The following KATNIP variants were observed in gnomAD, a reference collection of about 807,000 sequenced individuals.
The protein encoded by KATNIP is katanin-interacting protein.
KATNIP carries 126 observed loss-of-function variants against 174.0 expected under a neutral mutation model. The ratio of observed to expected loss-of-function variants is 0.72; its 90% CI spans 0.63 to 0.84. The LOEUF (loss-of-function observed/expected upper bound fraction) is 0.84, where lower values mean the gene tolerates loss of function less well. Ranked by LOEUF, KATNIP falls within the 40% of genes least tolerant of loss-of-function variation. The pLI is 0.00. For synonymous variants in KATNIP, 810 were observed against 835.7 expected, an observed-to-expected ratio of 0.97 and a Z score of 0.53; for missense variants, 1,958 against 2,109.7, an observed-to-expected ratio of 0.93 and a Z score of 1.41.
At chr16:27,567,447 A>G (rs2090132104) in intron 1 of KATNIP, among the ~76,000 whole-genome samples, 1 of 152,222 alleles carries the variant, frequency 6.6e-6, no homozygotes, top group African/African-American at 2.4e-5. Flanking sequence ...TGGACAACAT[A>G]GCAAGACTCC....
intron 7 of KATNIP, among the ~76,000 whole-genome samples, chr16:27,679,308 T>TC (rs1285757515): frequency 6.6e-6 from 1 of 152,194 alleles, no homozygotes; most frequent in Non-Finnish European, 1.5e-5. Context: ...TGGTCTTCCC[T>TC]CTGTGTGTGT....
chr16:27,559,793 C>A (rs2089784386), intron 1 of KATNIP, among the ~76,000 whole-genome samples: 2 of 151,446 alleles, frequency 1.3e-5, no homozygotes, highest in Admixed American at 6.6e-5. Context: ...ACAGCCTGGC[C>A]AACATGGTGA....
At chr16:27,583,107 C>T (rs182694913) in intron 2 of KATNIP, among the ~76,000 whole-genome samples, 98 of 152,166 alleles carry the variant, frequency 6.4e-4, no homozygotes, top group Non-Finnish European at 9.7e-4. Flanking sequence ...ACTCCAGTGC[C>T]GAAAAGCAAA....
chr16:27,701,687 G>A lies in KATNIP; in HGVS notation c.1278G>A (p.Leu426=). ...INQAMDRIGL[L]GSRQQQKLLK... ...AGGCCATGGACAGAATTGGGCTTCT[G>A]GGAAGCAGGTACTACTAAGGCTGAG... Residue 426 remains leucine (L), a synonymous_variant, in exon 11 of 28, where the codon CTG becomes CTA. Transcript: ENST00000261588. 6.3e-7 allele frequency: 1 copy of A among 1,599,216 alleles called. No individual in the cohort carries two copies. Among genetic ancestry groups the A allele is most frequent in the South Asian group, 1.1e-5 (1 of 87,780 alleles).
chr16:27,577,028 T>G (rs1164322167), intron 2 of KATNIP, among the ~76,000 whole-genome samples: 1 of 152,132 alleles, frequency 6.6e-6, no homozygotes, highest in Admixed American at 6.6e-5. Flanking sequence ...TAAGCCACCA[T>G]GACAAAGGGA....
In KATNIP at chr16:27,698,339, C is replaced by A; in HGVS notation, c.952C>A (p.Arg318=). The change falls in exon 9 of 28, where the codon CGG becomes AGG. Residue 318 remains arginine (R), a synonymous_variant. Coordinates refer to ENST00000261588, the MANE Select transcript of KATNIP (RefSeq NM_015202.5). The part of the protein sequence containing the change: ...QERMCSRPGS[R]RERPLSATRK... ...TCTTCTGCCCTCAGGACCTGGAAGC[C>A]GGCGAGAGAGACCCCTGTCTGCAAC... 1.2e-6 allele frequency: 2 copies of A among 1,608,944 alleles called. No individual in the cohort carries two copies. Among genetic ancestry groups the A allele is most frequent in the Non-Finnish European group, 1.7e-6 (2 of 1,176,890 alleles).
intron 5 of KATNIP, among the ~76,000 whole-genome samples, chr16:27,640,630 A>C (rs980300889): frequency 4.0e-5 from 6 of 149,408 alleles, no homozygotes; most frequent in African/African-American, 1.5e-4. Flanking sequence ...ACATTCTCCC[A>C]TTATGTGTGC....
intron 5 of KATNIP, chr16:27,631,394 A>T (rs566089232): frequency 8.8e-5 from 43 of 486,128 alleles, no homozygotes; most frequent in Non-Finnish European, 1.5e-4. Context: ...AAAAATAAAA[A>T]ATTCGCCAGG....
At chr16:27,704,618 C>T (rs534891851) in intron 12 of KATNIP, among the ~76,000 whole-genome samples, 4 of 152,112 alleles carry the variant, frequency 2.6e-5, no homozygotes, top group African/African-American at 9.7e-5. Flanking sequence ...ACCTAAATGT[C>T]TCATAACAAT....
intron 2 of KATNIP, among the ~76,000 whole-genome samples, chr16:27,584,065 A>G (rs1201225600): frequency 6.6e-6 from 1 of 152,140 alleles, no homozygotes. Context: ...TCTATATAGA[A>G]TGGGGATAGT....
chr16:27,721,708 C>T lies in KATNIP; in HGVS notation c.1743+13C>T, dbSNP rs751645087. The T allele has an allele frequency of 2.0e-5, 32 of 1,612,544 alleles. No homozygotes were observed. Among genetic ancestry groups the T allele is most frequent in the Non-Finnish European group, 2.4e-5 (28 of 1,179,418 alleles). On this transcript the variant is annotated intron_variant, in intron 14 of 27. Coordinates refer to ENST00000261588, the MANE Select transcript of KATNIP (RefSeq NM_015202.5). Reference sequence around the variant, plus strand: ...GACAGCTGATGGCGTAAGTAACAGGCGCTGGTTCCCCACTGGGCACTGGGT... The same window carrying T: ...GACAGCTGATGGCGTAAGTAACAGGTGCTGGTTCCCCACTGGGCACTGGGT...
chr16:27,666,990 A>C (rs184807622), intron 6 of KATNIP, among the ~76,000 whole-genome samples: 2 of 152,286 alleles, frequency 1.3e-5, no homozygotes, highest in East Asian at 1.9e-4. Flanking sequence ...AGCACCTAGC[A>C]GTCACACCTG....
intron 20 of KATNIP, among the ~76,000 whole-genome samples, chr16:27,767,305 G>A (rs539322923): frequency 3.2e-4 from 49 of 152,240 alleles, no homozygotes; most frequent in African/African-American, 1.1e-3. Context: ...CACCTGCCAC[G>A]GCGGATTGGC....
At chr16:27,710,595 G>A (rs2079532533) in intron 13 of KATNIP, among the ~76,000 whole-genome samples, 1 of 152,100 alleles carries the variant, frequency 6.6e-6, no homozygotes, top group Non-Finnish European at 1.5e-5. Flanking sequence ...TCAAACTCCT[G>A]GGCTCAAGCT....
intron 14 of KATNIP, among the ~76,000 whole-genome samples, chr16:27,735,974 C>G (rs2080881155): frequency 6.6e-6 from 1 of 152,102 alleles, no homozygotes; most frequent in South Asian, 2.1e-4. Flanking sequence ...AGAGAAAACC[C>G]ATGTTTATTC....
intron 13 of KATNIP, among the ~76,000 whole-genome samples, chr16:27,713,832 A>ATC (rs1250947371): frequency 1.4e-5 from 1 of 73,632 alleles, no homozygotes; most frequent in African/African-American, 6.2e-5. Context: ...ATATATATAT[A>ATC]TATATATATA....
intron 2 of KATNIP, among the ~76,000 whole-genome samples, chr16:27,578,059 G>T (rs1264506572): frequency 2.0e-5 from 3 of 152,110 alleles, no homozygotes; most frequent in Non-Finnish European, 4.4e-5. Context: ...AAACCAGTTA[G>T]GTCAAAATAT....
At chr16:27,664,378 A>T (rs1360924838) in intron 6 of KATNIP, among the ~76,000 whole-genome samples, 1 of 152,214 alleles carries the variant, frequency 6.6e-6, no homozygotes, top group Non-Finnish European at 1.5e-5. Flanking sequence ...AGTTCTCAAT[A>T]TATCTGTTAA....
intron 2 of KATNIP, among the ~76,000 whole-genome samples, chr16:27,614,210 G>A (rs1396286224): frequency 1.3e-5 from 2 of 150,788 alleles, no homozygotes; most frequent in Non-Finnish European, 2.9e-5. Flanking sequence ...CTGTTTCCCA[G>A]GCTGGAGTGC....
Sources: allele counts gnomAD v4.1 joint callset (sites outside exome capture counted in the v4.1 genomes callset), GRCh38; gene constraint gnomAD v4.1.1; transcripts MANE v1.5; gene names NCBI Gene and HGNC (gene_info 2026-07-23, HGNC 2026-07-21).